Variants in GPC6 observed in about 807,000 individuals in gnomAD.
GPC6 encodes glypican-6.
In GPC6, 14 loss-of-function variants were observed where a neutral mutation model predicts 55.2. That is an observed-to-expected ratio of 0.25 (90% confidence interval 0.17 to 0.40). GPC6 has a LOEUF of 0.40. GPC6 is among the 10% of genes least tolerant of loss of function. The pLI is 1.00. For missense variants in GPC6, 641 were observed against 708.5 expected, an observed-to-expected ratio of 0.90 and a Z score of 1.08; for synonymous variants, 278 against 259.6, an observed-to-expected ratio of 1.07 and a Z score of -0.68.
chr13:94,202,252 A>G (rs56267845), intron 4 of GPC6, among the ~76,000 whole-genome samples: 1,537 of 152,334 alleles, frequency 0.01, 19 homozygotes, highest in South Asian at 0.024. Flanking sequence ...TCATATTGAT[A>G]TATTTCACTA....
chr13:94,173,033 A>G (rs1207085134), intron 4 of GPC6, among the ~76,000 whole-genome samples: 1 of 152,226 alleles, frequency 6.6e-6, no homozygotes, highest in Admixed American at 6.5e-5. Flanking sequence ...TGTGTTGACT[A>G]GAAAAACAAA....
chr13:94,142,822 C>T (rs61962335), intron 4 of GPC6, among the ~76,000 whole-genome samples: 27,477 of 151,092 alleles, frequency 0.18, 2,799 homozygotes, highest in Non-Finnish European at 0.23. Context: ...TGGTCGTGGA[C>T]GGCTACTTTT....
intron 4 of GPC6, among the ~76,000 whole-genome samples, chr13:94,161,373 G>T (rs1043493344): frequency 6.6e-6 from 1 of 152,144 alleles, no homozygotes; most frequent in African/African-American, 2.4e-5. Context: ...CACTGACAGA[G>T]GTAGATTGGC....
At chr13:94,129,667 G>A (rs1050063592) in intron 4 of GPC6, among the ~76,000 whole-genome samples, 30 of 152,026 alleles carry the variant, frequency 2.0e-4, no homozygotes, top group Admixed American at 9.8e-4. Context: ...TCTAACTTCT[G>A]TTTGGTTTCT....
At chr13:94,212,793 T>C (rs1208826928) in intron 4 of GPC6, among the ~76,000 whole-genome samples, 1 of 152,344 alleles carries the variant, frequency 6.6e-6, no homozygotes, top group East Asian at 1.9e-4. Context: ...CTTTACAAAC[T>C]GGACTATCAT....
At chr13:93,873,083 C>CT (rs903240229) in intron 3 of GPC6, among the ~76,000 whole-genome samples, 127 of 145,580 alleles carry the variant, frequency 8.7e-4, no homozygotes, top group African/African-American at 1.3e-3. Context: ...CCTTTAACTA[C>CT]TTTTTTTTTT....
intron 1 of GPC6, among the ~76,000 whole-genome samples, chr13:93,516,770 G>A (rs1323749794): frequency 6.7e-6 from 1 of 150,274 alleles, no homozygotes; most frequent in Non-Finnish European, 1.5e-5. Flanking sequence ...GTGGGATGAA[G>A]GAAATTGGTA....
intron 1 of GPC6, among the ~76,000 whole-genome samples, chr13:93,236,974 G>T (rs1876256557): frequency 6.6e-6 from 1 of 152,086 alleles, no homozygotes; most frequent in Non-Finnish European, 1.5e-5. Flanking sequence ...ATTGTTTCAT[G>T]GGCACTTAGG....
intron 1 of GPC6, among the ~76,000 whole-genome samples, chr13:93,415,873 TA>T (rs1876679809): frequency 6.6e-6 from 1 of 152,178 alleles, no homozygotes; most frequent in Non-Finnish European, 1.5e-5. Flanking sequence ...TAATCATTGC[TA>T]AATTATTTTT....
chr13:93,448,007 T>A (rs1433179184), intron 1 of GPC6, among the ~76,000 whole-genome samples: 4 of 152,204 alleles, frequency 2.6e-5, no homozygotes, highest in African/African-American at 9.6e-5. Context: ...ATCTTGTACA[T>A]GATTCTGCAC....
At chr13:94,172,452 CA>C (rs1190487620) in intron 4 of GPC6, among the ~76,000 whole-genome samples, 1 of 152,106 alleles carries the variant, frequency 6.6e-6, no homozygotes, top group African/African-American at 2.4e-5. Context: ...ATGATAATCA[CA>C]AAATGTTTTC....
At chr13:93,230,412 C>A (rs903440141) in intron 1 of GPC6, among the ~76,000 whole-genome samples, 2 of 152,000 alleles carry the variant, frequency 1.3e-5, no homozygotes, top group African/African-American at 4.8e-5. Context: ...AAGGAGGAGG[C>A]CTTCAAGGGG....
At chr13:93,316,338 G>A (rs1376568618) in intron 1 of GPC6, among the ~76,000 whole-genome samples, 2 of 152,068 alleles carry the variant, frequency 1.3e-5, no homozygotes, top group Non-Finnish European at 2.9e-5. Flanking sequence ...GTGGGTATAT[G>A]TCATTATCCA....
chr13:93,657,882 G>A (rs1880752129), intron 2 of GPC6, among the ~76,000 whole-genome samples: 1 of 151,914 alleles, frequency 6.6e-6, no homozygotes, highest in East Asian at 1.9e-4. Context: ...TTAGAGAAAT[G>A]CAAATCAAAA....
intron 3 of GPC6, among the ~76,000 whole-genome samples, chr13:94,023,301 C>T (rs1365824994): frequency 5.3e-5 from 8 of 151,062 alleles, no homozygotes; most frequent in Admixed American, 5.3e-4. Context: ...TCTAATTTTT[C>T]AGAGTTTTTT....
intron 2 of GPC6, among the ~76,000 whole-genome samples, chr13:93,725,610 G>A (rs776384767): frequency 1.3e-5 from 2 of 152,000 alleles, no homozygotes; most frequent in African/African-American, 2.4e-5. Context: ...TCATCTTGAT[G>A]CAGTTTACAG....
intron 1 of GPC6, among the ~76,000 whole-genome samples, chr13:93,531,702 C>A (rs927938280): frequency 5.3e-5 from 8 of 152,148 alleles, no homozygotes; most frequent in African/African-American, 1.9e-4. Context: ...AAATACTAAA[C>A]ATTTTATTTA....
intron 1 of GPC6, among the ~76,000 whole-genome samples, chr13:93,262,375 G>C (rs1048052616): frequency 6.6e-6 from 1 of 151,960 alleles, no homozygotes; most frequent in Non-Finnish European, 1.5e-5. Context: ...TTACACTTAA[G>C]TTTTCTTGCG....
At chr13:93,991,090 A>G (rs1207636839) in intron 3 of GPC6, among the ~76,000 whole-genome samples, 1 of 152,140 alleles carries the variant, frequency 6.6e-6, no homozygotes, top group Non-Finnish European at 1.5e-5. Flanking sequence ...CAGAATGGAC[A>G]CAATAGAAAG....
Sources: allele counts gnomAD v4.1 joint callset (sites outside exome capture counted in the v4.1 genomes callset), GRCh38; gene constraint gnomAD v4.1.1; transcripts MANE v1.5; gene names NCBI Gene and HGNC (gene_info 2026-07-23, HGNC 2026-07-21).